The following DNAH9 variants were observed in gnomAD, a reference collection of about 807,000 sequenced individuals.
DNAH9 encodes dynein axonemal heavy chain 9.
Under a neutral mutation model 471.6 loss-of-function variants are expected in DNAH9, and 345 were observed. That is an observed-to-expected ratio of 0.73 (90% CI 0.67 to 0.80). The LOEUF (loss-of-function observed/expected upper bound fraction) is 0.80. DNAH9 is among the 30% of genes least tolerant of loss of function. The pLI is 0.00. For missense variants in DNAH9, 5,407 were observed against 5,609.2 expected (o/e 0.96, Z 1.15); for synonymous variants, 2,093 against 2,123.6 (o/e 0.99, Z 0.40).
At chr17:11,750,936 G>A (rs1286798325) in intron 32 of DNAH9, among the ~76,000 whole-genome samples, 8 of 151,858 alleles carry the variant, frequency 5.3e-5, no homozygotes, top group Non-Finnish European at 2.9e-5. Context: ...AACACAAACA[G>A]ATTATATAAA....
intron 67 of DNAH9, among the ~76,000 whole-genome samples, chr17:11,956,468 G>A (rs1025796927): frequency 2.0e-5 from 3 of 152,022 alleles, no homozygotes; most frequent in African/African-American, 7.2e-5. Flanking sequence ...AAAAGACTTG[G>A]CAAAATTATC....
chr17:11,874,993 G>A lies in DNAH9; in HGVS notation c.10287G>A (p.Leu3429=). ...VTPALDPLRM[L]MDDADVAAWQ... ...CAGCCCTGGATCCCCTGAGGATGCT[G>A]ATGGATGATGCTGACGTGGCTGCCT... Residue 3429 remains leucine (L), a synonymous_variant, in exon 53 of 69, where the codon CTG becomes CTA. Coordinates refer to ENST00000262442, the MANE Select transcript of DNAH9 (RefSeq NM_001372.4). 2 of 1,614,152 alleles carry A rather than the reference G, an allele frequency of 1.2e-6. No individual in the cohort carries two copies. Among genetic ancestry groups the A allele is most frequent in the Non-Finnish European group, 1.7e-6 (2 of 1,180,016 alleles).
chr17:11,799,121 G>A (rs1392450425), intron 43 of DNAH9, among the ~76,000 whole-genome samples: 1 of 151,998 alleles, frequency 6.6e-6, no homozygotes, highest in Admixed American at 6.6e-5. Flanking sequence ...GGCTCCCATG[G>A]TCTTTTCTTC....
intron 49 of DNAH9, among the ~76,000 whole-genome samples, chr17:11,849,372 C>G (rs558225898): frequency 2.0e-5 from 3 of 152,316 alleles, no homozygotes; most frequent in Admixed American, 1.3e-4. Context: ...ATTCCATTCC[C>G]TGCCGAAAAC....
In DNAH9 at chr17:11,871,792, T is replaced by A; in HGVS notation, c.10242+6T>A. 4.3e-6 allele frequency: 7 copies of A among 1,613,458 alleles called. No individual in the cohort carries two copies. The highest frequency in any genetic ancestry group is 5.9e-6 in the Non-Finnish European group (7 of 1,179,570). ...CCTACCTGAGCCAGCTGAAAGTACG[T>A]ATGGCCTGAATTTCTCCCGACCACA... is the stretch of plus-strand genomic sequence containing the variant. On this transcript the variant is annotated splice_donor_region_variant and intron_variant, in intron 52 of 68. Coordinates refer to ENST00000262442, the MANE Select transcript of DNAH9 (RefSeq NM_001372.4).
rs1234318967 is a variant in DNAH9, at chr17:11,619,681, C to T, written c.1250C>T (p.Thr417Ile). ...EFQDRRENLH[T>I]YFKENQEVKE... is the part of the protein sequence containing the mutation. ...CAGGACAGAAGGGAGAATCTCCACACTTACTTCAAAGAGAACCAGGAAGTC... is the reference window on the plus strand; with the variant it reads ...CAGGACAGAAGGGAGAATCTCCACATTTACTTCAAAGAGAACCAGGAAGTC... The change falls in exon 6 of 69, where the codon ACT becomes ATT. Residue 417 changes from threonine (T) to isoleucine (I), a missense_variant. Coordinates refer to ENST00000262442, the MANE Select transcript of DNAH9 (RefSeq NM_001372.4). The T allele has an allele frequency of 5.6e-6, 9 of 1,613,754 alleles. No homozygotes were observed. The highest frequency in any genetic ancestry group is 5.9e-6 in the Non-Finnish European group (7 of 1,179,732).
At chr17:11,743,131 C>T (rs1014378726) in intron 30 of DNAH9, among the ~76,000 whole-genome samples, 13 of 152,146 alleles carry the variant, frequency 8.5e-5, no homozygotes, top group African/African-American at 3.1e-4. Context: ...AGCTGATCTC[C>T]GTCAGCTCTA....
At chr17:11,816,098 C>T (rs1970086142) in intron 45 of DNAH9, among the ~76,000 whole-genome samples, 1 of 150,246 alleles carries the variant, frequency 6.7e-6, no homozygotes, top group Non-Finnish European at 1.5e-5. Context: ...GACAGATCCA[C>T]TGTCACTCTT....
At chr17:11,711,471 G>C (rs2074826260) in intron 26 of DNAH9, among the ~76,000 whole-genome samples, 1 of 152,056 alleles carries the variant, frequency 6.6e-6, no homozygotes, top group African/African-American at 2.4e-5. Flanking sequence ...AAGTTCATCA[G>C]TCTACCTCAA....
At chr17:11,752,186 T>C (rs1967184000) in intron 32 of DNAH9, among the ~76,000 whole-genome samples, 1 of 152,220 alleles carries the variant, frequency 6.6e-6, no homozygotes, top group Admixed American at 6.5e-5. Flanking sequence ...TTTCAGGTAA[T>C]GACAATTAGA....
At chr17:11,871,814 C>G in intron 52 of DNAH9, 28 bp downstream of exon 52, 1 of 1,608,350 alleles carries the variant, frequency 6.2e-7, no homozygotes, top group Non-Finnish European at 8.5e-7. Context: ...TTCTCCCGAC[C>G]ACATCAGCCT....
At chr17:11,652,280 CTTT>C (rs11450398) in intron 13 of DNAH9, among the ~76,000 whole-genome samples, 3 of 79,148 alleles carry the variant, frequency 3.8e-5, no homozygotes, top group Non-Finnish European at 6.5e-5. Context: ...TAAGGGTAGG[CTTT>C]TTTTTTTTTT....
At chr17:11,714,232 A>C (rs752321826) in intron 26 of DNAH9, among the ~76,000 whole-genome samples, 1 of 152,334 alleles carries the variant, frequency 6.6e-6, no homozygotes, top group South Asian at 2.1e-4. Context: ...ATGGATTTTC[A>C]TCTACCCACA....
chr17:11,669,989 T>G (rs1338138060), intron 17 of DNAH9, among the ~76,000 whole-genome samples, 195 bp downstream of exon 17: 1 of 152,198 alleles, frequency 6.6e-6, no homozygotes, highest in Non-Finnish European at 1.5e-5. Context: ...AGATAAGGCC[T>G]CTTTGTTTTG....
chr17:11,874,786 G>A, intron 52 of DNAH9, 163 bp from the exon 53 acceptor site: 1 of 599,820 alleles, frequency 1.7e-6, no homozygotes, highest in Non-Finnish European at 2.9e-6. Context: ...GACTTTAATA[G>A]AACCTGCTTC....
intron 31 of DNAH9, among the ~76,000 whole-genome samples, chr17:11,746,042 A>C (rs999825493): frequency 6.6e-6 from 1 of 152,236 alleles, no homozygotes; most frequent in Non-Finnish European, 1.5e-5. Flanking sequence ...CATTGGAAAG[A>C]CAGTACTGAA....
At chr17:11,685,258 AAC>A (rs2074220856) in intron 19 of DNAH9, among the ~76,000 whole-genome samples, 1 of 152,176 alleles carries the variant, frequency 6.6e-6, no homozygotes, top group African/African-American at 2.4e-5. Flanking sequence ...GGGGAAAAAA[AAC>A]AGTTACAAAA....
chr17:11,621,602 G>A lies in DNAH9; in HGVS notation c.1350+1821G>A, dbSNP rs76276736. Among the ~76,000 whole-genome samples, 24 of 152,182 alleles carry A rather than the reference G, an allele frequency of 1.6e-4. No individual in the cohort carries two copies. The East Asian group carries it at 4.5e-3, about 28-fold the overall frequency. On this transcript the variant is annotated intron_variant, in intron 6 of 68. Coordinates refer to ENST00000262442, the MANE Select transcript of DNAH9 (RefSeq NM_001372.4). ...TCTGTTATCAGTTCAGAAAGTATTG[G>A]TTCAGCATCACCATGTGCCAGGCAC...
intron 50 of DNAH9, among the ~76,000 whole-genome samples, chr17:11,858,121 A>G (rs1567853284): frequency 6.6e-6 from 1 of 152,108 alleles, no homozygotes; most frequent in African/African-American, 2.4e-5. Context: ...TCTAATCTAC[A>G]TTTTCTTTTG....
Sources: gnomAD v4.1 joint callset for allele counts (sites outside exome capture counted in the v4.1 genomes callset) on GRCh38, gnomAD v4.1.1 for gene constraint, MANE v1.5 for transcripts, NCBI Gene and HGNC (gene_info 2026-07-23, HGNC 2026-07-21) for gene names.